UBOX5: variants seen among roughly 807,000 people sequenced by gnomAD.
UBOX5 encodes the protein U-box domain containing 5, also known as RING finger protein 37.
In UBOX5, 28 loss-of-function variants were observed where a neutral mutation model predicts 39.0. That is an observed-to-expected ratio of 0.72 (90% CI 0.53 to 0.98). The LOEUF (loss-of-function observed/expected upper bound fraction) is 0.98, where lower values mean the gene tolerates loss of function less well. Ranked by LOEUF, UBOX5 falls within the 50% of genes least tolerant of loss-of-function variation. UBOX5 has a pLI of 0.00. For missense variants in UBOX5, 585 were observed against 674.4 expected (o/e 0.87, Z 1.47); for synonymous variants, 283 against 275.5 (o/e 1.03, Z -0.27).
chr20:3,123,349 C>G lies in UBOX5; in HGVS notation c.17G>C (p.Cys6Ser). MVINLCLPQFRPRIHC... is the reference protein window; with the variant it reads MVINLSLPQFRPRIHC... ...AATTCTTGGTCTGAACTGTGGGAGG[C>G]AAAGATTTATTACCATCTTTGTGGC... Residue 6 changes from cysteine to serine, a missense_variant, in exon 2 of 5, where the codon TGC (cysteine) becomes TCC (serine). Coordinates refer to ENST00000217173, the MANE Select transcript of UBOX5 (RefSeq NM_014948.4). 6.2e-7 allele frequency: 1 copy of G among 1,613,954 alleles called. No homozygotes were observed. The highest frequency in any genetic ancestry group is 1.1e-5 in the South Asian group (1 of 91,066).
At chr20:3,129,196 G>C (rs1263872720) in intron 1 of UBOX5, among the ~76,000 whole-genome samples, 1 of 152,162 alleles carries the variant, frequency 6.6e-6, no homozygotes, top group Non-Finnish European at 1.5e-5. Context: ...TAAGTTGAGG[G>C]AACATTTACA....
Position 3,109,809 on chromosome 20 carries a change from C to T in UBOX5, c.*297G>A, listed in dbSNP as rs1021120049. ...GGTATGCGGACTGCACGGGGGGGCC[C>T]TCAGCAGGGGTCTTCCTGCCTAGGG... On this transcript the variant is annotated 3_prime_UTR_variant, in exon 5 of 5. Coordinates refer to ENST00000217173, the MANE Select transcript of UBOX5 (RefSeq NM_014948.4). The T allele has an allele frequency of 8.6e-6, 4 of 465,396 alleles. No homozygotes were observed. Among genetic ancestry groups the T allele is most frequent in the Non-Finnish European group, 1.6e-5 (4 of 253,004 alleles). 28.8% of individuals were successfully genotyped at this position (465,396 alleles called of 1,614,324 possible).
chr20:3,130,032 C>T (rs1472249644), intron 1 of UBOX5, among the ~76,000 whole-genome samples: 2 of 152,102 alleles, frequency 1.3e-5, no homozygotes, highest in African/African-American at 4.8e-5. Context: ...AAATTTGAGA[C>T]CAGCCTGGGC....
intron 1 of UBOX5, chr20:3,148,581 C>T: frequency 6.2e-7 from 1 of 1,614,172 alleles, no homozygotes; most frequent in East Asian, 2.2e-5. Flanking sequence ...AAATAATCAA[C>T]AATGACTTGA....
intron 1 of UBOX5, among the ~76,000 whole-genome samples, chr20:3,157,690 T>C (rs992445527): frequency 5.9e-5 from 9 of 152,166 alleles, no homozygotes; most frequent in Non-Finnish European, 1.3e-4. Flanking sequence ...AAATGGGGCT[T>C]CTAGAGGAAT....
At chr20:3,143,795 AAAAC>A (rs2066538300) in intron 1 of UBOX5, among the ~76,000 whole-genome samples, 1 of 151,670 alleles carries the variant, frequency 6.6e-6, no homozygotes, top group Admixed American at 6.6e-5. Flanking sequence ...CCGTCTCAAA[AAAAC>A]AAAAAAAAAA....
At chr20:3,122,926 G>A (rs966285670) in intron 2 of UBOX5, among the ~76,000 whole-genome samples, 28 of 150,382 alleles carry the variant, frequency 1.9e-4, no homozygotes, top group African/African-American at 6.6e-4. Context: ...CCTTTTCCCT[G>A]CCAAAAAAAA....
Position 3,115,424 on chromosome 20 carries a change from A to G in UBOX5, c.1298T>C (p.Ile433Thr), listed in dbSNP as rs756406265. The G allele has an allele frequency of 3.7e-6, 6 of 1,613,822 alleles. No homozygotes were observed. In the Admixed American group the frequency reaches 5.0e-5, roughly 13 times the overall value. The change falls in exon 4 of 5, where the codon ATT (isoleucine) becomes ACT (threonine). Residue 433 changes from isoleucine (I) to threonine (T), a missense_variant. Ile to Thr is a moderately conservative substitution (Grantham distance 89). Transcript: ENST00000217173. The stretch of plus-strand genomic sequence containing the variant: ...AGAGCCAAGGGTGGATGCCAAGGCA[A>G]TTTCCAAGCTTTGTGACAGCTTCTG... ...HEQKLSQSLE[I>T]ALASTLGSMP...
At chr20:3,148,378 C>G in intron 1 of UBOX5, 1 of 1,614,184 alleles carries the variant, frequency 6.2e-7, no homozygotes, top group South Asian at 1.1e-5. Context: ...GATGGCAACA[C>G]TTGGTCTCAT....
At position 3,134,512 on chromosome 20, in the gene UBOX5, C is replaced by T. The variant is rs190191124; in HGVS notation, c.-41-11106G>A. Among the ~76,000 whole-genome samples, 393 of 143,920 alleles carry T rather than the reference C, an allele frequency of 2.7e-3. 4 individuals are homozygous for T. In the South Asian group the frequency reaches 0.028, roughly 10 times the overall value. The allele number at this position is 143,920 out of a possible 152,430, so 94.4% of individuals were successfully genotyped here. Reference sequence around the variant, plus strand: ...GGTGGAGGTTGCAGTGAGCTAAGTTCGCACCATTGCACTCCAGCCTGGGTA... The same window carrying T: ...GGTGGAGGTTGCAGTGAGCTAAGTTTGCACCATTGCACTCCAGCCTGGGTA... On this transcript the variant is annotated intron_variant, in intron 1 of 4. Transcript: ENST00000217173.
chr20:3,151,859 CT>C (rs1202418803), intron 1 of UBOX5: 1 of 151,448 alleles, frequency 6.6e-6, no homozygotes, highest in Non-Finnish European at 1.5e-5. Flanking sequence ...AATTCCAGCA[CT>C]TTGAGAGGCC....
At chr20:3,157,470 T>C (rs1360225180) in intron 1 of UBOX5, among the ~76,000 whole-genome samples, 1 of 152,224 alleles carries the variant, frequency 6.6e-6, no homozygotes, top group Non-Finnish European at 1.5e-5. Flanking sequence ...TGAAACTTTT[T>C]CAGCTACACA....
chr20:3,142,942 A>C (rs1404809127), intron 1 of UBOX5, among the ~76,000 whole-genome samples: 1 of 151,876 alleles, frequency 6.6e-6, no homozygotes, highest in Non-Finnish European at 1.5e-5. Context: ...AAAAAAGAAA[A>C]AAAAGGAATC....
In UBOX5 at chr20:3,122,046, G is replaced by T. The variant is rs779014372; in HGVS notation, c.593C>A (p.Ala198Asp). 1.9e-6 allele frequency: 3 copies of T among 1,614,120 alleles called. No individual in the cohort carries two copies. The African/African-American group carries it at 4.0e-5, about 22-fold the overall frequency. ...TATCACTTCCTGGGAGCAGGTCTTG[G>T]CCGGCTGACCCCACACTTCCAACCG... ...IKRLEVWGQP[A>D]KTCSQEVIDS... is the part of the protein sequence containing the mutation. The change falls in exon 3 of 5, where the codon GCC becomes GAC. Residue 198 changes from alanine to aspartate, a missense_variant. Ala to Asp is a moderately radical substitution (Grantham distance 126). Transcript: ENST00000217173.
rs1381539068 is a variant in UBOX5, at chr20:3,122,358, C to A, written c.281G>T (p.Trp94Leu). ...CAGGGTCCGGCACTGGGGCGTATTC[C>A]AAGACACTCTGCTAGATGAGGCAGA... The part of the protein sequence containing the change: ...YTSASSSRVS[W>L]NTPQCRTLGP... Residue 94 changes from tryptophan to leucine, a missense_variant, in exon 3 of 5, where the codon TGG becomes TTG. Physicochemically the swap from Trp to Leu is moderately conservative, Grantham distance 61. Coordinates refer to ENST00000217173, the MANE Select transcript of UBOX5 (RefSeq NM_014948.4). 1.9e-6 allele frequency: 3 copies of A among 1,614,222 alleles called. No individual in the cohort carries two copies. Among genetic ancestry groups the A allele is most frequent in the Non-Finnish European group, 2.5e-6 (3 of 1,180,038 alleles).
rs749286015 is a variant in UBOX5 at position 3,147,823 on chromosome 20, C to T, written c.-42+11943G>A. 20 of 1,614,094 alleles carry T rather than the reference C, an allele frequency of 1.2e-5. 1 individual carries two copies. Among genetic ancestry groups the T allele is most frequent in the Admixed American group, 3.3e-5 (2 of 59,998 alleles). On this transcript the variant is annotated intron_variant, in intron 1 of 4. Coordinates refer to ENST00000217173, the MANE Select transcript of UBOX5 (RefSeq NM_014948.4). ...AGTGTGCCACTCTAGGAGGCAAAGA[C>T]GCAGCCACTGCATTCATTACTCCTT... is the stretch of plus-strand genomic sequence containing the variant.
chr20:3,117,243 T>C (rs1404588811), intron 3 of UBOX5, among the ~76,000 whole-genome samples: 1 of 150,920 alleles, frequency 6.6e-6, no homozygotes, highest in Non-Finnish European at 1.5e-5. Flanking sequence ...TCTAAATTCT[T>C]TCTATGGAAC....
chr20:3,148,910 T>TTGGCAGAA, intron 1 of UBOX5: 1 of 1,614,198 alleles, frequency 6.2e-7, no homozygotes, highest in Non-Finnish European at 8.5e-7. Context: ...CTTAACTTTT[T>TTGGCAGAA]TGGCAGAATG....
At position 3,147,139 on chromosome 20, in the gene UBOX5, G is replaced by A. The variant is rs769499974; in HGVS notation, c.-42+12627C>T. Reference sequence around the variant, plus strand: ...GCTGCCCAGGCTCTGACTCAGTTTTGCCCTGGAAATGTCCTCTTGCTTTCC... The same window carrying A: ...GCTGCCCAGGCTCTGACTCAGTTTTACCCTGGAAATGTCCTCTTGCTTTCC... On this transcript the variant is annotated intron_variant, in intron 1 of 4. Coordinates refer to ENST00000217173, the MANE Select transcript of UBOX5 (RefSeq NM_014948.4). 27 of 1,613,574 alleles carry A rather than the reference G, an allele frequency of 1.7e-5. No homozygotes were observed. In the Admixed American group the frequency reaches 4.2e-4, roughly 25 times the overall value.
Sources: gnomAD v4.1 joint callset for allele counts (sites outside exome capture counted in the v4.1 genomes callset) on GRCh38, gnomAD v4.1.1 for gene constraint, MANE v1.5 for transcripts, NCBI Gene and HGNC (gene_info 2026-07-23, HGNC 2026-07-21) for gene names.